Variants in DMD observed in about 807,000 individuals in gnomAD.
DMD encodes dystrophin.
In DMD, 63 loss-of-function variants were observed where a neutral mutation model predicts 330.1. The ratio of observed to expected loss-of-function variants is 0.19; its 90% CI spans 0.16 to 0.24. The LOEUF (loss-of-function observed/expected upper bound fraction) is 0.24. Among genes scored for constraint, DMD ranks in the 10% least tolerant of loss-of-function variants. The pLI is 1.00. For missense variants in DMD, 3,344 were observed against 2,684.1 expected (o/e 1.25, Z -5.43); for synonymous variants, 1,223 against 959.8 (o/e 1.27, Z -5.07).
In DMD at chrX:32,151,094, G is replaced by A. The variant is rs369842532; in HGVS notation, c.6438+65822C>T. Among the ~76,000 whole-genome samples, 4 of 111,434 alleles carry A rather than the reference G, an allele frequency of 3.6e-5. No individual in the cohort carries two copies. In the South Asian group the frequency reaches 1.5e-3, roughly 42 times the overall value. On this transcript the variant is annotated intron_variant, in intron 44 of 78. Coordinates refer to ENST00000357033, the MANE Select transcript of DMD (RefSeq NM_004006.3). ...ATTATACTTTGTGTGTAAGATAAAA[G>A]AAAGTTTAAAAAAAGAAAAATTGAA...
intron 1 of DMD, among the ~76,000 whole-genome samples, chrX:33,053,947 T>C (rs9698942): frequency 0.02 from 2,289 of 111,813 alleles, 61 homozygotes; most frequent in African/African-American, 0.071. Context: ...AGAATTCAGA[T>C]TTCACTTTTG....
At chrX:32,350,167 A>G (rs908973420) in intron 37 of DMD, among the ~76,000 whole-genome samples, 25 of 111,376 alleles carry the variant, frequency 2.2e-4, no homozygotes, top group African/African-American at 8.1e-4. Flanking sequence ...ATTTACAGTC[A>G]GATTTACCTG....
intron 17 of DMD, among the ~76,000 whole-genome samples, chrX:32,528,992 G>C (rs1489573625): frequency 9.6e-6 from 1 of 103,729 alleles, no homozygotes; most frequent in Non-Finnish European, 2.0e-5. Flanking sequence ...CACAATCTTG[G>C]CTCACTGCAA....
At chrX:31,285,752 T>C (rs148832005) in intron 62 of DMD, among the ~76,000 whole-genome samples, 6,214 of 111,818 alleles carry the variant, frequency 0.056, 169 homozygotes, top group Non-Finnish European at 0.088. Context: ...ATGAGCCTAG[T>C]TATGTCAAAA....
chrX:32,439,384 A>G (rs1484899008), intron 28 of DMD, among the ~76,000 whole-genome samples: 1 of 111,461 alleles, frequency 9.0e-6, no homozygotes, highest in Non-Finnish European at 1.9e-5. Flanking sequence ...AAAATACTTT[A>G]AAAGCCATCA....
chrX:32,418,928 G>A (rs889431422), intron 29 of DMD, among the ~76,000 whole-genome samples: 8 of 89,813 alleles, frequency 8.9e-5, no homozygotes, highest in Admixed American at 7.8e-4. Flanking sequence ...AGCTGAGATC[G>A]TGCCATTGCA....
chrX:32,131,575 A>G (rs1253242100), intron 44 of DMD, among the ~76,000 whole-genome samples: 5 of 112,159 alleles, frequency 4.5e-5, no homozygotes, highest in African/African-American at 9.7e-5. Flanking sequence ...ACATCCTAAC[A>G]TTCTTGTCGC....
intron 2 of DMD, among the ~76,000 whole-genome samples, chrX:33,002,466 G>T (rs2093302502): frequency 9.0e-6 from 1 of 110,701 alleles, no homozygotes; most frequent in East Asian, 2.9e-4. Context: ...TGAAGTGGTG[G>T]CCTGCAATTG....
chrX:32,788,527 G>T (rs1478872524), intron 7 of DMD, among the ~76,000 whole-genome samples: 2 of 111,800 alleles, frequency 1.8e-5, no homozygotes, highest in African/African-American at 6.5e-5. Flanking sequence ...CTAAGTAAAT[G>T]TCATAGATTA....
In DMD at chrX:31,809,239, T is replaced by C. The variant is rs187419141; in HGVS notation, c.7309+10736A>G. Among the ~76,000 whole-genome samples, 317 of 106,601 alleles carry C rather than the reference T, an allele frequency of 3.0e-3. 2 individuals are homozygous for C. Among genetic ancestry groups the C allele is most frequent in the African/African-American group, 9.3e-3 (277 of 29,807 alleles). 92.6% of individuals were successfully genotyped at this position (106,601 alleles called of 115,157 possible). A position where few individuals can be genotyped will look rare whatever the true frequency, so the allele number is the denominator to read the frequency against. ...TATAGTTTCCTATATAAAAACTATA[T>C]AGAGATATAGCTATCTGTATATATA... On this transcript the variant is annotated intron_variant, in intron 50 of 78. Transcript: ENST00000357033.
At chrX:33,328,647 A>G (rs963636823) in intron 1 of DMD, among the ~76,000 whole-genome samples, 1 of 111,506 alleles carries the variant, frequency 9.0e-6, no homozygotes, top group Non-Finnish European at 1.9e-5. Flanking sequence ...TCCAAAAGAG[A>G]CAAGGAGTTT....
intron 1 of DMD, among the ~76,000 whole-genome samples, chrX:33,310,193 T>A (rs1373001982): frequency 6.3e-5 from 7 of 111,399 alleles, no homozygotes; most frequent in African/African-American, 2.3e-4. Context: ...TAAGAAGATA[T>A]TCCAATACAG....
chrX:31,242,872 T>C (rs1194798524), intron 63 of DMD, among the ~76,000 whole-genome samples: 1 of 111,300 alleles, frequency 9.0e-6, no homozygotes, highest in Non-Finnish European at 1.9e-5. Context: ...AATAATATGG[T>C]TGTCATTTGG....
At chrX:32,265,589 G>A (rs1399076695) in intron 43 of DMD, among the ~76,000 whole-genome samples, 3 of 112,256 alleles carry the variant, frequency 2.7e-5, no homozygotes, top group Non-Finnish European at 5.6e-5. Flanking sequence ...GCTAGCCTGT[G>A]AAAGCAGCCA....
intron 23 of DMD, among the ~76,000 whole-genome samples, chrX:32,466,837 C>A (rs1013617491): frequency 9.0e-6 from 1 of 111,727 alleles, no homozygotes; most frequent in African/African-American, 3.3e-5. Context: ...CAGACAAAGT[C>A]CTGCTGACAC....
chrX:31,822,283 G>A (rs1275211872), intron 49 of DMD, among the ~76,000 whole-genome samples: 3 of 111,824 alleles, frequency 2.7e-5, no homozygotes, highest in Non-Finnish European at 5.6e-5. Flanking sequence ...CCATTCAAGC[G>A]CCAGGTGGAA....
At chrX:32,005,715 A>AT (rs2095657062) in intron 44 of DMD, among the ~76,000 whole-genome samples, 1 of 111,082 alleles carries the variant, frequency 9.0e-6, no homozygotes, top group Non-Finnish European at 1.9e-5. Flanking sequence ...ATCAAATATC[A>AT]TTTTTCTAAA....
chrX:32,986,155 G>T (rs1356013795), intron 2 of DMD, among the ~76,000 whole-genome samples: 1 of 111,537 alleles, frequency 9.0e-6, no homozygotes. Context: ...GTGCCAAGTA[G>T]TTAGCATACA....
intron 44 of DMD, among the ~76,000 whole-genome samples, chrX:31,976,609 C>T (rs757312870): frequency 3.6e-5 from 4 of 110,881 alleles, no homozygotes; most frequent in Non-Finnish European, 7.6e-5. Flanking sequence ...TATGATTCCC[C>T]ACAAATTTGA....
Sources: allele counts gnomAD v4.1 joint callset (sites outside exome capture counted in the v4.1 genomes callset), GRCh38; gene constraint gnomAD v4.1.1; transcripts MANE v1.5; gene names NCBI Gene and HGNC (gene_info 2026-07-23, HGNC 2026-07-21).